Variants in LRP1B observed in about 807,000 individuals in gnomAD.
LRP1B encodes the protein low-density lipoprotein receptor-related protein 1B.
Under a neutral mutation model 556.6 loss-of-function variants are expected in LRP1B, and 217 were observed. The ratio of observed to expected loss-of-function variants is 0.39; its 90% CI spans 0.35 to 0.44. LRP1B has a LOEUF of 0.44. Ranked by LOEUF, LRP1B falls within the 20% of genes least tolerant of loss-of-function variation. LRP1B has a pLI of 1.00. For synonymous variants in LRP1B, 2,047 were observed against 1,865.8 expected, an observed-to-expected ratio of 1.10 and a Z score of -2.50; for missense variants, 5,053 against 5,620.8, an observed-to-expected ratio of 0.90 and a Z score of 3.23.
At chr2:141,525,470 C>T (rs1370893254) in intron 2 of LRP1B, among the ~76,000 whole-genome samples, 2 of 151,862 alleles carry the variant, frequency 1.3e-5, no homozygotes, top group South Asian at 2.1e-4. Flanking sequence ...ATCATCATTA[C>T]CAACAGAAAG....
intron 1 of LRP1B, among the ~76,000 whole-genome samples, chr2:141,822,124 CACACACAGAG>C (rs1191368442): frequency 8.9e-6 from 1 of 111,842 alleles, no homozygotes; most frequent in Admixed American, 9.9e-5. Flanking sequence ...CACACACACA[CACACACAGAG>C]AGAGAGAGAG....
In LRP1B at chr2:140,410,931, A is replaced by G. The variant is rs557625985; in HGVS notation, c.10415-24922T>C. ...ACCCTATGACAGCTAGCAAAGGGGGAGGTGAAAGGAAATTACTGAATGGGT... is the reference window on the plus strand; with the variant it reads ...ACCCTATGACAGCTAGCAAAGGGGGGGGTGAAAGGAAATTACTGAATGGGT... On this transcript the variant is annotated intron_variant, in intron 66 of 90. Coordinates refer to ENST00000389484, the MANE Select transcript of LRP1B (RefSeq NM_018557.3). Among the ~76,000 whole-genome samples, 3 of 152,186 alleles carry G rather than the reference A, an allele frequency of 2.0e-5. No individual in the cohort carries two copies. The East Asian group carries it at 5.8e-4, about 29-fold the overall frequency.
intron 2 of LRP1B, among the ~76,000 whole-genome samples, chr2:141,624,898 T>C (rs1434268482): frequency 1.3e-5 from 2 of 152,034 alleles, no homozygotes; most frequent in Non-Finnish European, 1.5e-5. Flanking sequence ...GCCTCCCAAG[T>C]AGCTGGGACT....
chr2:140,526,042 T>C (rs757176550), intron 48 of LRP1B, 49 bp from the exon 49 acceptor site: 2 of 1,583,286 alleles, frequency 1.3e-6, no homozygotes, highest in East Asian at 2.3e-5. Flanking sequence ...TTTCAAAGAT[T>C]ATGAGCCTTC....
At chr2:142,002,751 T>C (rs527784504) in intron 1 of LRP1B, among the ~76,000 whole-genome samples, 23 of 152,210 alleles carry the variant, frequency 1.5e-4, no homozygotes, top group Admixed American at 9.2e-4. Flanking sequence ...TCACCAAATC[T>C]GGCCCTTTCA....
intron 25 of LRP1B, among the ~76,000 whole-genome samples, chr2:140,869,438 A>G (rs1000115642): frequency 2.0e-5 from 3 of 152,112 alleles, no homozygotes; most frequent in Non-Finnish European, 4.4e-5. Flanking sequence ...TAGTGATGAG[A>G]CAGTATATCT....
At chr2:140,925,757 T>C (rs1694865464) in intron 20 of LRP1B, among the ~76,000 whole-genome samples, 1 of 152,138 alleles carries the variant, frequency 6.6e-6, no homozygotes, top group Admixed American at 6.6e-5. Flanking sequence ...CTAGATTCTC[T>C]AGTACTTTGA....
At chr2:141,019,793 C>T in intron 12 of LRP1B, 129 bp downstream of exon 12, 1 of 609,062 alleles carries the variant, frequency 1.6e-6, no homozygotes, top group Non-Finnish European at 2.6e-6. Flanking sequence ...TGTAACTTTA[C>T]CCACTAAGAC....
At chr2:140,517,153 C>G in intron 49 of LRP1B, 142 bp from the exon 50 acceptor site, 1 of 634,142 alleles carries the variant, frequency 1.6e-6, no homozygotes, top group Non-Finnish European at 2.7e-6. Flanking sequence ...TAAAGAATGT[C>G]AAGGTTATGA....
At chr2:141,722,244 G>T (rs1458270845) in intron 2 of LRP1B, among the ~76,000 whole-genome samples, 1 of 152,230 alleles carries the variant, frequency 6.6e-6, no homozygotes, top group South Asian at 2.1e-4. Flanking sequence ...TGGGCATGGT[G>T]GTGGGCACCT....
At chr2:141,189,207 T>G (rs975082206) in intron 6 of LRP1B, among the ~76,000 whole-genome samples, 25 of 152,008 alleles carry the variant, frequency 1.6e-4, no homozygotes, top group African/African-American at 6.0e-4. Context: ...CAACAGCACT[T>G]TCTACAGTGA....
chr2:141,263,333 T>A (rs1231450978), intron 3 of LRP1B, among the ~76,000 whole-genome samples: 2 of 151,938 alleles, frequency 1.3e-5, no homozygotes, highest in Admixed American at 6.6e-5. Flanking sequence ...GCAGAAGATA[T>A]CACTACAGAC....
intron 7 of LRP1B, among the ~76,000 whole-genome samples, chr2:141,185,938 G>A (rs1013486863): frequency 3.3e-5 from 5 of 151,620 alleles, no homozygotes; most frequent in African/African-American, 1.2e-4. Context: ...AATTAGCCAG[G>A]CTTGGTGGTA....
intron 3 of LRP1B, among the ~76,000 whole-genome samples, chr2:141,306,530 T>C (rs926588994): frequency 5.9e-5 from 9 of 152,154 alleles, no homozygotes; most frequent in Non-Finnish European, 7.4e-5. Flanking sequence ...TTTTTCTTCA[T>C]TAGACTAGTT....
chr2:142,023,530 T>C (rs1206124444), intron 1 of LRP1B, among the ~76,000 whole-genome samples: 3 of 152,198 alleles, frequency 2.0e-5, no homozygotes, highest in Non-Finnish European at 2.9e-5. Context: ...TGGTCCATTC[T>C]TCGAGGTCAA....
intron 3 of LRP1B, among the ~76,000 whole-genome samples, chr2:141,375,972 G>T (rs1689417152): frequency 6.6e-6 from 1 of 152,110 alleles, no homozygotes; most frequent in Admixed American, 6.6e-5. Context: ...AAGCAGTGTG[G>T]GCAAGAAGCT....
At chr2:141,988,778 T>G (rs1163356959) in intron 1 of LRP1B, among the ~76,000 whole-genome samples, 1 of 152,018 alleles carries the variant, frequency 6.6e-6, no homozygotes, top group Non-Finnish European at 1.5e-5. Context: ...CTAGGTATAT[T>G]AACATAAAAT....
Position 141,127,898 on chromosome 2 carries a change from T to C in LRP1B, c.1013+60523A>G, listed in dbSNP as rs369455176. Among the ~76,000 whole-genome samples the C allele has an allele frequency of 3.9e-4, 60 of 152,342 alleles. 1 individual carries two copies. The East Asian group carries it at 0.011, about 27-fold the overall frequency. ...CTCTGAGATAGTCCTATTCAAAGCA[T>C]GTCCCTTGACTTACATGAGTCCACG... On this transcript the variant is annotated intron_variant, in intron 7 of 90. Transcript: ENST00000389484.
chr2:140,801,582 A>ATT (rs10545209), intron 32 of LRP1B, among the ~76,000 whole-genome samples: 21 of 147,128 alleles, frequency 1.4e-4, no homozygotes, highest in East Asian at 1.2e-3. Flanking sequence ...AATCTTACTA[A>ATT]TTTTTTTTTT....
Sources: allele counts gnomAD v4.1 joint callset (sites outside exome capture counted in the v4.1 genomes callset), GRCh38; gene constraint gnomAD v4.1.1; transcripts MANE v1.5; gene names NCBI Gene and HGNC (gene_info 2026-07-23, HGNC 2026-07-21).